Variants in MACROD2 observed in about 807,000 individuals in gnomAD.
MACROD2 encodes the protein mono-ADP ribosylhydrolase 2, also known as ADP-ribose glycohydrolase MACROD2.
In MACROD2, 36 loss-of-function variants were observed where a neutral mutation model predicts 70.4. The ratio of observed to expected loss-of-function variants is 0.51; its 90% CI spans 0.39 to 0.68. The LOEUF is 0.68. Ranked by LOEUF, MACROD2 falls within the 30% of genes least tolerant of loss-of-function variation. The probability of loss-of-function intolerance (pLI) is 0.00; values close to 1 mark genes in which losing one functional copy is unlikely to be tolerated. For missense variants in MACROD2, 496 were observed against 538.4 expected (o/e 0.92, Z 0.78); for synonymous variants, 172 against 178.8 (o/e 0.96, Z 0.30).
At chr20:14,928,631 C>CA (rs2074261788) in intron 5 of MACROD2, among the ~76,000 whole-genome samples, 2 of 152,126 alleles carry the variant, frequency 1.3e-5, no homozygotes, top group Non-Finnish European at 2.9e-5. Flanking sequence ...TGCTTGATAC[C>CA]AAAGCATAGG....
At chr20:14,721,593 A>C (rs1033193604) in intron 5 of MACROD2, among the ~76,000 whole-genome samples, 1 of 152,192 alleles carries the variant, frequency 6.6e-6, no homozygotes, top group Non-Finnish European at 1.5e-5. Context: ...GGTTACTGCC[A>C]AAGCTTGTGG....
intron 4 of MACROD2, among the ~76,000 whole-genome samples, chr20:14,638,687 A>G (rs1337455745): frequency 6.6e-6 from 1 of 152,186 alleles, no homozygotes. Context: ...GTGGTGGCTC[A>G]CACCTGTAAT....
intron 15 of MACROD2, among the ~76,000 whole-genome samples, chr20:15,992,499 C>G (rs2066571538): frequency 6.6e-6 from 1 of 152,152 alleles, no homozygotes; most frequent in South Asian, 2.1e-4. Flanking sequence ...CTCATCCCTT[C>G]ACTCCGTGCA....
At chr20:15,200,397 G>T (rs1050964683) in intron 5 of MACROD2, among the ~76,000 whole-genome samples, 1 of 152,294 alleles carries the variant, frequency 6.6e-6, no homozygotes, top group East Asian at 1.9e-4. Flanking sequence ...TTTTGGTGGG[G>T]TAAAGGTGAG....
At chr20:14,485,291 G>A (rs761068993) in intron 3 of MACROD2, among the ~76,000 whole-genome samples, 5 of 152,208 alleles carry the variant, frequency 3.3e-5, no homozygotes, top group Middle Eastern at 6.8e-3. Flanking sequence ...CTCATAGGGC[G>A]TTACATATTA....
chr20:14,220,375 C>G (rs541650809), intron 3 of MACROD2, among the ~76,000 whole-genome samples: 2 of 152,144 alleles, frequency 1.3e-5, no homozygotes, highest in African/African-American at 4.8e-5. Flanking sequence ...GTCTCACTCC[C>G]CCAGTGCACC....
chr20:15,146,366 G>C (rs899915983), intron 5 of MACROD2, among the ~76,000 whole-genome samples: 1 of 152,138 alleles, frequency 6.6e-6, no homozygotes, highest in Non-Finnish European at 1.5e-5. Flanking sequence ...AACTATCATT[G>C]TAGTAGTGAA....
intron 6 of MACROD2, among the ~76,000 whole-genome samples, chr20:15,362,209 A>T (rs984690375): frequency 6.6e-6 from 1 of 151,762 alleles, no homozygotes. Context: ...ACGGGGTTTC[A>T]CCTAGAACTC....
intron 8 of MACROD2, among the ~76,000 whole-genome samples, chr20:15,658,203 CT>C (rs1482694939): frequency 6.8e-6 from 1 of 147,586 alleles, no homozygotes; most frequent in Non-Finnish European, 1.5e-5. Context: ...AAAACAAAAG[CT>C]TTTTTCTTTT....
Position 15,511,876 on chromosome 20 carries a change from G to A in MACROD2, c.645+12029G>A, listed in dbSNP as rs182298086. Among the ~76,000 whole-genome samples, 532 of 152,278 alleles carry A rather than the reference G, an allele frequency of 3.5e-3. 3 individuals are homozygous for A. Among genetic ancestry groups the A allele is most frequent in the African/African-American group, 0.012 (501 of 41,538 alleles). ...AGGAAAAATCCTTAAATCAGATACTGGGGCATACCCTAAATCTACTGTATC... is the reference window on the plus strand; with the variant it reads ...AGGAAAAATCCTTAAATCAGATACTAGGGCATACCCTAAATCTACTGTATC... On this transcript the variant is annotated intron_variant, in intron 8 of 17. Coordinates refer to ENST00000684519, the MANE Select transcript of MACROD2 (RefSeq NM_001351661.2).
At chr20:15,415,127 GTTC>G (rs2046129205) in intron 6 of MACROD2, among the ~76,000 whole-genome samples, 1 of 152,152 alleles carries the variant, frequency 6.6e-6, no homozygotes, top group South Asian at 2.1e-4. Flanking sequence ...TTAGATATGT[GTTC>G]TTCTAGAAAA....
intron 5 of MACROD2, among the ~76,000 whole-genome samples, chr20:14,961,477 C>G (rs963892349): frequency 6.6e-6 from 1 of 152,162 alleles, no homozygotes; most frequent in Non-Finnish European, 1.5e-5. Flanking sequence ...TTCAAATACA[C>G]GAACATTATG....
intron 3 of MACROD2, among the ~76,000 whole-genome samples, chr20:14,152,458 GC>G (rs1009450060): frequency 7.2e-6 from 1 of 139,372 alleles, no homozygotes; most frequent in African/African-American, 2.7e-5. Context: ...ATGGAGTCTC[GC>G]TCTGTTGCCC....
intron 3 of MACROD2, 138 bp downstream of exon 3, chr20:14,085,866 A>G: frequency 2.0e-6 from 1 of 508,926 alleles, no homozygotes; most frequent in Non-Finnish European, 3.4e-6. Flanking sequence ...TTCTTGATTA[A>G]AAACATTGGA....
chr20:15,524,678 G>A (rs1162034332), intron 8 of MACROD2, among the ~76,000 whole-genome samples: 1 of 152,118 alleles, frequency 6.6e-6, no homozygotes, highest in Non-Finnish European at 1.5e-5. Context: ...GTATAATAGA[G>A]GGACTTATTT....
intron 3 of MACROD2, among the ~76,000 whole-genome samples, chr20:14,320,824 A>G (rs1054011295): frequency 6.6e-5 from 10 of 152,074 alleles, no homozygotes; most frequent in Admixed American, 6.6e-5. Flanking sequence ...GTTGAGAAAC[A>G]TTGCCCATTT....
chr20:14,968,263 A>G (rs980312743), intron 5 of MACROD2, among the ~76,000 whole-genome samples: 1 of 152,176 alleles, frequency 6.6e-6, no homozygotes, highest in African/African-American at 2.4e-5. Context: ...AAACAAGATG[A>G]TACTCCCGTT....
intron 10 of MACROD2, among the ~76,000 whole-genome samples, chr20:15,896,568 T>C (rs2064976561): frequency 6.6e-6 from 1 of 151,800 alleles, no homozygotes; most frequent in South Asian, 2.1e-4. Context: ...AAACACAGCT[T>C]CTGTAATCTT....
chr20:15,826,626 A>C (rs901807188), intron 8 of MACROD2, among the ~76,000 whole-genome samples: 4 of 152,214 alleles, frequency 2.6e-5, no homozygotes, highest in Non-Finnish European at 5.9e-5. Context: ...AAGTAAAGGC[A>C]CTCCTGAACA....
Sources: allele counts gnomAD v4.1 joint callset (sites outside exome capture counted in the v4.1 genomes callset), GRCh38; gene constraint gnomAD v4.1.1; transcripts MANE v1.5; gene names NCBI Gene and HGNC (gene_info 2026-07-23, HGNC 2026-07-21).